The following ARHGAP39 variants were observed in gnomAD, a reference collection of about 807,000 sequenced individuals.
The protein encoded by ARHGAP39 is Rho GTPase activating protein 39, also known as rho GTPase-activating protein 39.
In ARHGAP39, 44 loss-of-function variants were observed where a neutral mutation model predicts 106.9. That is an observed-to-expected ratio of 0.41 (90% confidence interval 0.32 to 0.53). The LOEUF is 0.53. Among genes scored for constraint, ARHGAP39 ranks in the 20% least tolerant of loss-of-function variants. ARHGAP39 has a pLI of 0.21. For missense variants in ARHGAP39, 1,496 were observed against 1,577.3 expected (o/e 0.95, Z 0.87); for synonymous variants, 768 against 693.2 (o/e 1.11, Z -1.69).
intron 1 of ARHGAP39, among the ~76,000 whole-genome samples, chr8:144,656,062 A>G (rs1164757267): frequency 1.3e-5 from 2 of 152,196 alleles, no homozygotes; most frequent in Non-Finnish European, 2.9e-5. Context: ...CCTGACAAAC[A>G]TAAGAGAATT....
intron 1 of ARHGAP39, among the ~76,000 whole-genome samples, chr8:144,626,538 C>T (rs1409017196): frequency 1.6e-5 from 2 of 126,438 alleles, no homozygotes; most frequent in Admixed American, 7.5e-5. Context: ...CTGCGGCAGC[C>T]CCTGTCCCGG....
At chr8:144,619,768 G>T (rs1446686198) in intron 1 of ARHGAP39, among the ~76,000 whole-genome samples, 1 of 150,926 alleles carries the variant, frequency 6.6e-6, no homozygotes, top group African/African-American at 2.4e-5. Flanking sequence ...GTGTGCCCGT[G>T]TGTGTGAGCC....
intron 1 of ARHGAP39, among the ~76,000 whole-genome samples, chr8:144,685,473 C>A (rs1344248986): frequency 1.2e-4 from 18 of 149,440 alleles, no homozygotes; most frequent in Admixed American, 1.2e-3. Context: ...TCCGCGCCCC[C>A]CGCCCGGCCG....
At chr8:144,617,342 G>A (rs1032264094) in intron 1 of ARHGAP39, among the ~76,000 whole-genome samples, 7 of 152,140 alleles carry the variant, frequency 4.6e-5, no homozygotes, top group African/African-American at 1.4e-4. Flanking sequence ...TTTGGCAGGC[G>A]GGACAAGCGG....
Position 144,567,364 on chromosome 8 carries a change from G to A in ARHGAP39, c.513-11721C>T, listed in dbSNP as rs189088105. On this transcript the variant is annotated intron_variant, in intron 3 of 11. Transcript: ENST00000377307. ...CTGTTATGCCCAGACAGGGCCACCA[G>A]AGGGCTCCTTGGTCTAGCGGTAACG... is the stretch of plus-strand genomic sequence containing the variant. Among the ~76,000 whole-genome samples the A allele has an allele frequency of 7.4e-3, 1,133 of 152,358 alleles. 8 individuals carry two copies. The highest frequency in any genetic ancestry group is 0.013 in the Non-Finnish European group (865 of 68,038).
chr8:144,589,968 C>T (rs1032226869), intron 2 of ARHGAP39, among the ~76,000 whole-genome samples: 5 of 152,320 alleles, frequency 3.3e-5, no homozygotes, highest in African/African-American at 7.2e-5. Flanking sequence ...ACTGCTGCCT[C>T]GGGGCCCACG....
At chr8:144,694,907 T>C in the ARHGAP39 span, among the ~76,000 whole-genome samples, 2 of 152,010 alleles carry the variant, frequency 1.3e-5, no homozygotes, top group Non-Finnish European at 2.9e-5. Flanking sequence ...GTACAATCGA[T>C]CAGCACCAAG....
intron 3 of ARHGAP39, among the ~76,000 whole-genome samples, chr8:144,561,155 C>T (rs1445774540): frequency 5.9e-5 from 9 of 152,234 alleles, no homozygotes; most frequent in Non-Finnish European, 1.0e-4. Context: ...CGGTTTCCAT[C>T]ACACCCCAGT....
intron 6 of ARHGAP39, among the ~76,000 whole-genome samples, chr8:144,542,726 G>A (rs1474986655): frequency 6.7e-6 from 1 of 149,054 alleles, no homozygotes; most frequent in East Asian, 2.1e-4. Context: ...ATCAACTCAG[G>A]TCAGCAGTTT....
intron 1 of ARHGAP39, among the ~76,000 whole-genome samples, chr8:144,622,944 G>A (rs1174413125): frequency 6.6e-6 from 1 of 152,238 alleles, no homozygotes; most frequent in Non-Finnish European, 1.5e-5. Flanking sequence ...GAGGGTTTAG[G>A]TGAACAAGGA....
intron 1 of ARHGAP39, among the ~76,000 whole-genome samples, chr8:144,620,149 G>C (rs1223239595): frequency 2.7e-5 from 4 of 149,298 alleles, no homozygotes; most frequent in African/African-American, 9.9e-5. Flanking sequence ...GTGTCCCTGA[G>C]AGCGTGTGCC....
chr8:144,618,514 G>C (rs1298024772), intron 1 of ARHGAP39, among the ~76,000 whole-genome samples: 1 of 152,258 alleles, frequency 6.6e-6, no homozygotes, highest in Non-Finnish European at 1.5e-5. Flanking sequence ...GCTGTACCCA[G>C]AGACCTGCCT....
chr8:144,552,556 G>A (rs1400190590), intron 4 of ARHGAP39, among the ~76,000 whole-genome samples: 3 of 152,204 alleles, frequency 2.0e-5, no homozygotes, highest in Non-Finnish European at 2.9e-5. Context: ...CTTCACATTC[G>A]CCTGTGTTTC....
intron 1 of ARHGAP39, among the ~76,000 whole-genome samples, chr8:144,676,257 G>A (rs568599235): frequency 1.3e-4 from 20 of 152,324 alleles, no homozygotes; most frequent in African/African-American, 4.8e-4. Context: ...CGTTTTGACA[G>A]GGTGCTGATT....
chr8:144,600,987 T>C (rs534876757), intron 2 of ARHGAP39, among the ~76,000 whole-genome samples: 165 of 142,556 alleles, frequency 1.2e-3, no homozygotes, highest in African/African-American at 4.2e-3. Flanking sequence ...GAGGTGTGTG[T>C]GCGAGCTCAT....
chr8:144,618,645 C>T (rs1386538467), intron 1 of ARHGAP39, among the ~76,000 whole-genome samples: 1 of 152,216 alleles, frequency 6.6e-6, no homozygotes, highest in African/African-American at 2.4e-5. Flanking sequence ...CAGCCACCTC[C>T]CCCTCTGCCG....
Position 144,580,756 on chromosome 8 carries a change from T to C in ARHGAP39, c.512+90A>G, listed in dbSNP as rs1163036664. 6.2e-5 allele frequency: 10 copies of C among 160,874 alleles called. No individual in the cohort carries two copies. The Admixed American group carries it at 8.4e-4, about 14-fold the overall frequency. The allele number at this position is 160,874 out of a possible 1,614,324, so 10.0% of individuals were successfully genotyped here. A position where few individuals can be genotyped will look rare whatever the true frequency, so the allele number is the denominator to read the frequency against. On this transcript the variant is annotated intron_variant, in intron 3 of 11. Transcript: ENST00000377307. ...CACCTTCACCAGTCCCGCTCTCACC[T>C]GGCCCCGCCCACCACCCCCTACCTG...
intron 1 of ARHGAP39, among the ~76,000 whole-genome samples, chr8:144,659,419 A>G (rs1020616052): frequency 6.6e-6 from 1 of 152,184 alleles, no homozygotes; most frequent in African/African-American, 2.4e-5. Context: ...TTTGACCTAC[A>G]AAAAACTAAA....
intron 1 of ARHGAP39, among the ~76,000 whole-genome samples, chr8:144,637,874 T>G (rs561675412): frequency 6.6e-6 from 1 of 151,812 alleles, no homozygotes; most frequent in Admixed American, 6.6e-5. Flanking sequence ...CTTTTTTTTT[T>G]TTTTAGAGAG....
Sources: allele counts gnomAD v4.1 joint callset (sites outside exome capture counted in the v4.1 genomes callset), GRCh38; gene constraint gnomAD v4.1.1; transcripts MANE v1.5; gene names NCBI Gene and HGNC (gene_info 2026-07-23, HGNC 2026-07-21).